Variants in TRPC1 observed in about 807,000 individuals in gnomAD.
TRPC1 encodes the protein short transient receptor potential channel 1.
In TRPC1, 42 loss-of-function variants were observed where a neutral mutation model predicts 88.2. The observed-to-expected ratio is 0.48, with a 90% CI of 0.37 to 0.62. The LOEUF (loss-of-function observed/expected upper bound fraction) is 0.62. Among genes scored for constraint, TRPC1 ranks in the 20% least tolerant of loss-of-function variants. The pLI is 0.00. For synonymous variants in TRPC1, 288 were observed against 331.8 expected, an observed-to-expected ratio of 0.87 and a Z score of 1.43; for missense variants, 699 against 957.3, an observed-to-expected ratio of 0.73 and a Z score of 3.56.
chr3:142,752,191 A>G (rs1934789085), intron 4 of TRPC1, among the ~76,000 whole-genome samples: 1 of 152,186 alleles, frequency 6.6e-6, no homozygotes, highest in African/African-American at 2.4e-5. Context: ...AAGGACCTGC[A>G]CCGGCACCGG....
At chr3:142,797,024 C>A (rs971944191) in intron 9 of TRPC1, among the ~76,000 whole-genome samples, 2 of 151,942 alleles carry the variant, frequency 1.3e-5, no homozygotes, top group African/African-American at 2.4e-5. Context: ...CTCTTTTTTT[C>A]TTCCCCTTCG....
chr3:142,763,088 A>G (rs1019831542), intron 4 of TRPC1, among the ~76,000 whole-genome samples: 4 of 152,108 alleles, frequency 2.6e-5, no homozygotes, highest in Admixed American at 2.6e-4. Flanking sequence ...AGCCTAAGAT[A>G]TGGTCTGTTC....
At chr3:142,799,473 C>T (rs1936547831) in intron 9 of TRPC1, among the ~76,000 whole-genome samples, 1 of 152,042 alleles carries the variant, frequency 6.6e-6, no homozygotes, top group South Asian at 2.1e-4. Context: ...CACTGTTCTA[C>T]TTTTACTTCT....
chr3:142,761,853 T>A (rs2108075193), intron 4 of TRPC1, among the ~76,000 whole-genome samples: 2 of 152,254 alleles, frequency 1.3e-5, no homozygotes, highest in Middle Eastern at 3.4e-3. Context: ...TTTCAATTAG[T>A]TTTGCATATA....
intron 1 of TRPC1, among the ~76,000 whole-genome samples, chr3:142,730,263 A>C (rs984740295): frequency 6.6e-6 from 1 of 152,124 alleles, no homozygotes; most frequent in Non-Finnish European, 1.5e-5. Context: ...AATTTTTATC[A>C]ACTGATTTAC....
rs1054238004 is a variant in TRPC1 at position 142,792,531 on chromosome 3, C to T, written c.1438-293C>T. ...TGTGGAATTTAAGAAAACTAGCCAA[C>T]ATTTCATTAATAAAAAGCTTAATGA... On this transcript the variant is annotated intron_variant, in intron 8 of 12. Coordinates refer to ENST00000476941, the MANE Select transcript of TRPC1 (RefSeq NM_001251845.2). This position sits in a 1 kb window ranked among gnomAD's most constrained non-coding sequence, Gnocchi z 4.0. 6.6e-6 allele frequency among the ~76,000 whole-genome samples: 1 copy of T among 151,878 alleles called. No homozygotes were observed. The highest frequency in any genetic ancestry group is 1.5e-5 in the Non-Finnish European group (1 of 67,920).
In TRPC1 at chr3:142,743,555, G is replaced by T; in HGVS notation, c.398G>T (p.Arg133Leu). ...GCTGTTGATATACTACTTAATCATC[G>T]ACCAAAACGATCATCAAGACCAACT... ...VGAVDILLNH[R>L]PKRSSRPTIV... The change falls in exon 3 of 13, where the codon CGA becomes CTA. Residue 133 changes from arginine (R) to leucine (L), a missense_variant. Around this residue, in one of 4 missense-constraint regions of TRPC1, gnomAD observed 426 missense variants for 641.3 expected, o/e 0.66. Coordinates refer to ENST00000476941, the MANE Select transcript of TRPC1 (RefSeq NM_001251845.2). 1 of 1,522,822 alleles carries T rather than the reference G, an allele frequency of 6.6e-7. No homozygotes were observed. The highest frequency in any genetic ancestry group is 8.8e-7 in the Non-Finnish European group (1 of 1,141,732). 94.3% of individuals were successfully genotyped at this position (1,522,822 alleles called of 1,614,324 possible). A position where few individuals can be genotyped will look rare whatever the true frequency, so the allele number is the denominator to read the frequency against.
At chr3:142,781,065 C>A (rs1377714007) in intron 6 of TRPC1, 36 bp downstream of exon 6, 1 of 1,543,552 alleles carries the variant, frequency 6.5e-7, no homozygotes, top group East Asian at 2.3e-5. Flanking sequence ...AAATTATTTT[C>A]TCTACAGTAG....
intron 2 of TRPC1, among the ~76,000 whole-genome samples, chr3:142,740,188 T>C (rs1934296060): frequency 6.6e-6 from 1 of 152,190 alleles, no homozygotes; most frequent in South Asian, 2.1e-4. Flanking sequence ...CTGTGAGGAA[T>C]TGACAAATCT....
At chr3:142,778,745 C>T (rs1935865508) in intron 5 of TRPC1, among the ~76,000 whole-genome samples, 1 of 152,098 alleles carries the variant, frequency 6.6e-6, no homozygotes, top group Non-Finnish European at 1.5e-5. Flanking sequence ...TTTCTACTTC[C>T]TGGAAGGGCA....
chr3:142,751,459 T>TA (rs1934761134), intron 4 of TRPC1, among the ~76,000 whole-genome samples: 2 of 152,242 alleles, frequency 1.3e-5, no homozygotes, highest in Admixed American at 6.5e-5. Context: ...CCTAGGTATT[T>TA]AATGGGCTAT....
chr3:142,752,192 C>T (rs969217090), intron 4 of TRPC1, among the ~76,000 whole-genome samples: 9 of 152,176 alleles, frequency 5.9e-5, no homozygotes, highest in Admixed American at 3.9e-4. Flanking sequence ...AGGACCTGCA[C>T]CGGCACCGGC....
intron 4 of TRPC1, among the ~76,000 whole-genome samples, chr3:142,763,302 A>G (rs1300857303): frequency 6.6e-6 from 1 of 152,052 alleles, no homozygotes; most frequent in Admixed American, 6.6e-5. Context: ...TAGTTTATCT[A>G]TGAACCTAAC....
chr3:142,805,404 G>C (rs1214309876), intron 12 of TRPC1, among the ~76,000 whole-genome samples: 1 of 151,868 alleles, frequency 6.6e-6, no homozygotes, highest in African/African-American at 2.4e-5. Flanking sequence ...CCAGGGGTTG[G>C]GACATTTTTT....
At chr3:142,771,564 T>C (rs1935579951) in intron 4 of TRPC1, among the ~76,000 whole-genome samples, 1 of 152,222 alleles carries the variant, frequency 6.6e-6, no homozygotes, top group Admixed American at 6.5e-5. Context: ...ATATTTTTGT[T>C]ATACATATTC....
At position 142,724,824 on chromosome 3, in the gene TRPC1, T is replaced by C; in HGVS notation, c.172+93T>C. 1 of 1,377,316 alleles carries C rather than the reference T, an allele frequency of 7.3e-7. No individual in the cohort carries two copies. Among genetic ancestry groups the C allele is most frequent in the East Asian group, 2.7e-5 (1 of 36,480 alleles). The allele number at this position is 1,377,316 out of a possible 1,614,324, so 85.3% of individuals were successfully genotyped here. On this transcript the variant is annotated intron_variant, in intron 1 of 12. Coordinates refer to ENST00000476941, the MANE Select transcript of TRPC1 (RefSeq NM_001251845.2). This position sits in a 1 kb window ranked among gnomAD's most constrained non-coding sequence, Gnocchi z 5.6. ...TCAACTTATATCGGGGCATTCCCTC[T>C]GTCTCAGGCGCCGAGTGTCTTCCCG...
At chr3:142,781,135 C>A in intron 6 of TRPC1, 106 bp downstream of exon 6, 1 of 893,248 alleles carries the variant, frequency 1.1e-6, no homozygotes, top group Non-Finnish European at 1.6e-6. Flanking sequence ...CCTAGTTCTG[C>A]TTCCTAAAAA....
At chr3:142,750,915 C>T (rs141179541) in intron 4 of TRPC1, among the ~76,000 whole-genome samples, 1 of 152,178 alleles carries the variant, frequency 6.6e-6, no homozygotes, top group East Asian at 1.9e-4. Context: ...ACCTGCCATT[C>T]TGCACATGTA....
intron 1 of TRPC1, among the ~76,000 whole-genome samples, chr3:142,731,374 A>ATT (rs59613066): frequency 0.013 from 1,018 of 79,522 alleles, 121 homozygotes; most frequent in African/African-American, 0.041. Flanking sequence ...ATATGTTTTG[A>ATT]TTTTTTTTTT....
Sources: allele counts gnomAD v4.1 joint callset (sites outside exome capture counted in the v4.1 genomes callset), GRCh38; gene constraint gnomAD v4.1.1; regional missense constraint gnomAD v4.1.1; non-coding constraint Gnocchi (gnomAD v3.1); transcripts MANE v1.5; gene names NCBI Gene and HGNC (gene_info 2026-07-23, HGNC 2026-07-21).